ALMS1: variants seen among roughly 807,000 people sequenced by gnomAD.
The protein encoded by ALMS1 is centrosome-associated protein ALMS1.
A neutral mutation model predicts 352.2 loss-of-function variants in ALMS1; 271 were observed. The observed-to-expected ratio is 0.77, with a 90% CI of 0.70 to 0.85. ALMS1 has a LOEUF of 0.85. Ranked by LOEUF, ALMS1 falls within the 40% of genes least tolerant of loss-of-function variation. The probability of loss-of-function intolerance (pLI) is 0.00; values close to 1 mark genes in which losing one functional copy is unlikely to be tolerated. For missense variants in ALMS1, 5,445 were observed against 4,870.7 expected (o/e 1.12, Z -3.51); for synonymous variants, 1,865 against 1,761.2 (o/e 1.06, Z -1.48).
intron 10 of ALMS1, among the ~76,000 whole-genome samples, chr2:73,510,957 G>C (rs1467945801): frequency 3.3e-5 from 5 of 152,298 alleles, no homozygotes; most frequent in South Asian, 2.1e-4. Context: ...TCACCCAGTT[G>C]GAAATTCCCA....
Position 73,549,082 on chromosome 2 carries a change from CT to C in ALMS1, c.9908-1183del, listed in dbSNP as rs761565289. 1.2e-3 allele frequency among the ~76,000 whole-genome samples: 185 copies of C among 152,250 alleles called. 1 individual carries two copies. Among genetic ancestry groups the C allele is most frequent in the Non-Finnish European group, 4.3e-4 (29 of 68,020 alleles). ...TAATGATACAGGTACTTACCCAGCT[CT>C]TATTGCCATATACATACTAGGAGCT... On this transcript the variant is annotated intron_variant, in intron 12 of 22. Transcript: ENST00000613296.
chr2:73,393,178 A>G (rs1247944083), intron 1 of ALMS1, among the ~76,000 whole-genome samples: 2 of 152,170 alleles, frequency 1.3e-5, no homozygotes, highest in African/African-American at 4.8e-5. Flanking sequence ...CTTTATATAT[A>G]TGCATATTAC....
At chr2:73,591,438 T>C (rs955968473) in intron 16 of ALMS1, among the ~76,000 whole-genome samples, 1 of 152,216 alleles carries the variant, frequency 6.6e-6, no homozygotes, top group African/African-American at 2.4e-5. Context: ...AATGTTCTTT[T>C]GTTAAGCTAG....
chr2:73,475,497 G>A (rs1672564339), intron 9 of ALMS1, among the ~76,000 whole-genome samples: 1 of 151,944 alleles, frequency 6.6e-6, no homozygotes. Context: ...CTTTTCATGT[G>A]CTTATTGGTC....
chr2:73,555,121 G>A (rs753266556), intron 13 of ALMS1, among the ~76,000 whole-genome samples: 6 of 152,076 alleles, frequency 3.9e-5, no homozygotes, highest in South Asian at 2.1e-4. Flanking sequence ...AGGATTTTTC[G>A]TGGAACTTGA....
chr2:73,439,584 A>G (rs1315944657), intron 7 of ALMS1, among the ~76,000 whole-genome samples: 1 of 152,166 alleles, frequency 6.6e-6, no homozygotes, highest in East Asian at 1.9e-4. Context: ...CTCTGTCACC[A>G]GGCTGGAGTA....
At chr2:73,498,711 C>T (rs570978727) in intron 10 of ALMS1, among the ~76,000 whole-genome samples, 1 of 152,242 alleles carries the variant, frequency 6.6e-6, no homozygotes, top group South Asian at 2.1e-4. Flanking sequence ...ACGTAATGAT[C>T]TCTAGTTCCA....
chr2:73,586,316 T>A (rs1367301402), intron 16 of ALMS1, among the ~76,000 whole-genome samples: 1 of 152,242 alleles, frequency 6.6e-6, no homozygotes, highest in Non-Finnish European at 1.5e-5. Context: ...GTGAGCTCTT[T>A]GCCTAAGTCA....
intron 16 of ALMS1, among the ~76,000 whole-genome samples, chr2:73,592,415 T>C (rs1419413290): frequency 1.3e-5 from 2 of 152,264 alleles, no homozygotes; most frequent in African/African-American, 4.8e-5. Context: ...ATTGAAAATA[T>C]ACTTGCTGTT....
chr2:73,513,065 C>G (rs984730339), intron 10 of ALMS1, among the ~76,000 whole-genome samples: 2 of 152,120 alleles, frequency 1.3e-5, no homozygotes, highest in African/African-American at 2.4e-5. Flanking sequence ...AACCTCACTT[C>G]CAGTGTGCTT....
chr2:73,455,987 T>A (rs1271422064), intron 9 of ALMS1, among the ~76,000 whole-genome samples: 1 of 152,214 alleles, frequency 6.6e-6, no homozygotes, highest in Non-Finnish European at 1.5e-5. Flanking sequence ...GCTTTCATTT[T>A]AATAGTACAT....
chr2:73,416,300 C>T (rs895627291), intron 2 of ALMS1, among the ~76,000 whole-genome samples: 1 of 152,120 alleles, frequency 6.6e-6, no homozygotes, highest in African/African-American at 2.4e-5. Context: ...TTTCCAGTAG[C>T]AATTTGATGT....
intron 7 of ALMS1, among the ~76,000 whole-genome samples, 193 bp from the exon 8 acceptor site, chr2:73,447,767 T>G (rs1206052430): frequency 9.3e-6 from 1 of 108,098 alleles, no homozygotes; most frequent in Non-Finnish European, 1.7e-5. Flanking sequence ...ACTCTGTTGT[T>G]GAAGATTAAA....
Position 73,581,562 on chromosome 2 carries a change from T to C in ALMS1, c.11547+8138T>C, listed in dbSNP as rs145863382. ...TGGTTTAGCAAACACTTGGTTACTA[T>C]AAACCTTTGACTATCTTCCAAAGTT... On this transcript the variant is annotated intron_variant, in intron 16 of 22. Transcript: ENST00000613296. Among the ~76,000 whole-genome samples, 81 of 152,330 alleles carry C rather than the reference T, an allele frequency of 5.3e-4. 1 individual carries two copies. Among genetic ancestry groups the C allele is most frequent in the Non-Finnish European group, 9.8e-4 (67 of 68,034 alleles).
chr2:73,386,477 A>T (rs1670537396), intron 1 of ALMS1, among the ~76,000 whole-genome samples: 1 of 152,098 alleles, frequency 6.6e-6, no homozygotes, highest in South Asian at 2.1e-4. Flanking sequence ...ACGCTGAGAG[A>T]GGACCACGGG....
chr2:73,555,312 G>A (rs745605176), intron 13 of ALMS1, among the ~76,000 whole-genome samples: 1 of 152,148 alleles, frequency 6.6e-6, no homozygotes, highest in Non-Finnish European at 1.5e-5. Context: ...ACATATCCAT[G>A]AATGTGGAAA....
intron 9 of ALMS1, among the ~76,000 whole-genome samples, chr2:73,467,261 A>T (rs1357909686): frequency 2.0e-5 from 3 of 152,124 alleles, no homozygotes; most frequent in Non-Finnish European, 4.4e-5. Context: ...ATAAATTCAG[A>T]ATATATAAGG....
At chr2:73,465,175 G>T (rs1270454148) in intron 9 of ALMS1, among the ~76,000 whole-genome samples, 9 of 151,952 alleles carry the variant, frequency 5.9e-5, no homozygotes, top group Non-Finnish European at 1.3e-4. Flanking sequence ...AGCCTGCATC[G>T]CCAAGTCAAT....
chr2:73,427,247 T>C (rs993532230), intron 6 of ALMS1, among the ~76,000 whole-genome samples: 1 of 152,218 alleles, frequency 6.6e-6, no homozygotes, highest in African/African-American at 2.4e-5. Flanking sequence ...TTAGAAGCTC[T>C]TGAAAGACTT....
Sources: allele counts gnomAD v4.1 joint callset (sites outside exome capture counted in the v4.1 genomes callset), GRCh38; gene constraint gnomAD v4.1.1; transcripts MANE v1.5; gene names NCBI Gene and HGNC (gene_info 2026-07-23, HGNC 2026-07-21).